DBH: variants seen among roughly 807,000 people sequenced by gnomAD.
DBH encodes dopamine beta-hydroxylase (dopamine beta-monooxygenase).
Under a neutral mutation model 64.0 loss-of-function variants are expected in DBH, and 49 were observed. The ratio of observed to expected loss-of-function variants is 0.77; its 90% CI spans 0.61 to 0.97. The LOEUF (loss-of-function observed/expected upper bound fraction) is 0.97, where lower values mean the gene tolerates loss of function less well. Among genes scored for constraint, DBH ranks in the 50% least tolerant of loss-of-function variants. The pLI is 0.00. For synonymous variants in DBH, 343 were observed against 347.1 expected, an observed-to-expected ratio of 0.99 and a Z score of 0.13; for missense variants, 828 against 826.6, an observed-to-expected ratio of 1.00 and a Z score of -0.02.
chr9:133,640,088 A>G, intron 2 of DBH, 96 bp downstream of exon 2: 2 of 1,509,650 alleles, frequency 1.3e-6, no homozygotes, highest in African/African-American at 1.4e-5. Flanking sequence ...GTCCCTGATA[A>G]GTCTGGGGCC....
chr9:133,637,161 A>G (rs908958984), intron 1 of DBH, among the ~76,000 whole-genome samples: 4 of 152,168 alleles, frequency 2.6e-5, no homozygotes, highest in African/African-American at 9.7e-5. Context: ...AGGCCTGCAC[A>G]CCCATGGGAT....
chr9:133,642,770 C>T (rs1832132323), intron 3 of DBH, among the ~76,000 whole-genome samples: 2 of 152,220 alleles, frequency 1.3e-5, no homozygotes, highest in Admixed American at 1.3e-4. Flanking sequence ...GCCAGGCCAC[C>T]TCCCCCTTCA....
At position 133,649,281 on chromosome 9, in the gene DBH, T is replaced by C. The variant is rs143846521; in HGVS notation, c.1191+1269T>C. On this transcript the variant is annotated intron_variant, in intron 6 of 11. Coordinates refer to ENST00000393056, the MANE Select transcript of DBH (RefSeq NM_000787.4). ...GATGGATGTTATTTCATAGTTTGTG[T>C]ATATGTTACAAACATTTCCTCCTGT... Among the ~76,000 whole-genome samples, 944 of 152,334 alleles carry C rather than the reference T, an allele frequency of 6.2e-3. 11 individuals are homozygous for C. Among genetic ancestry groups the C allele is most frequent in the African/African-American group, 0.022 (911 of 41,570 alleles).
At position 133,646,959 on chromosome 9, in the gene DBH, G is replaced by A. The variant is rs563620013; in HGVS notation, c.1025-887G>A. Among the ~76,000 whole-genome samples the A allele has an allele frequency of 1.3e-3, 201 of 152,328 alleles. 1 individual carries two copies. The highest frequency in any genetic ancestry group is 4.5e-3 in the African/African-American group (186 of 41,570). ...ACCATAATCAGGAGACACAGTCTCC[G>A]TGACTCGAAGAAGCACCATGTTATT... On this transcript the variant is annotated intron_variant, in intron 5 of 11. Coordinates refer to ENST00000393056, the MANE Select transcript of DBH (RefSeq NM_000787.4).
rs1259422489 is a variant in DBH at position 133,659,064 on chromosome 9, CG to C, written c.*618del. 6.6e-6 allele frequency: 1 copy of C among 152,206 alleles called. No homozygotes were observed. Among genetic ancestry groups the C allele is most frequent in the Non-Finnish European group, 1.5e-5 (1 of 68,052 alleles). 9.4% of individuals were successfully genotyped at this position (152,206 alleles called of 1,614,324 possible). A position where few individuals can be genotyped will look rare whatever the true frequency, so the allele number is the denominator to read the frequency against. ...CCTGACAACAACTATCACCAAAAGACGAGGCGGCAAAGATCCAGCGGGGCTT... is the reference window on the plus strand; with the variant it reads ...CCTGACAACAACTATCACCAAAAGACAGGCGGCAAAGATCCAGCGGGGCTT... On this transcript the variant is annotated 3_prime_UTR_variant, in exon 12 of 12. Coordinates refer to ENST00000393056, the MANE Select transcript of DBH (RefSeq NM_000787.4).
chr9:133,643,590 G>A lies in DBH; in HGVS notation c.921+1G>A. The A allele has an allele frequency of 6.2e-7, 1 of 1,613,146 alleles. No individual in the cohort carries two copies. Among genetic ancestry groups the A allele is most frequent in the Non-Finnish European group, 8.5e-7 (1 of 1,179,844 alleles). On this transcript the variant is annotated splice_donor_variant, in intron 4 of 11. Transcript: ENST00000393056. LOFTEE classifies it high-confidence loss of function. The surrounding 1 kb of genome is among the most constrained non-coding windows in gnomAD (Gnocchi z 5.3). ...GGCCGCCTGGGCCCTGGGTGCCAAG[G>A]TGCGTGCCCTGCGACCCCAGCATGG...
chr9:133,650,499 C>T (rs1404024988), intron 6 of DBH, among the ~76,000 whole-genome samples: 55 of 130,870 alleles, frequency 4.2e-4, no homozygotes, highest in African/African-American at 1.7e-3. Context: ...TCTTTTCTTT[C>T]CTTTCTTTCT....
Position 133,643,555 on chromosome 9 carries a change from G to A in DBH, c.887G>A (p.Arg296His), listed in dbSNP as rs370254562. 6.6e-5 allele frequency: 107 copies of A among 1,613,306 alleles called. No individual in the cohort carries two copies. Among genetic ancestry groups the A allele is most frequent in the Middle Eastern group, 6.6e-4 (4 of 6,060 alleles). Residue 296 changes from arginine to histidine, a missense_variant, in exon 4 of 12, where the codon CGC becomes CAC. By Grantham distance (29) the Arg-to-His change is conservative. Transcript: ENST00000393056. This position sits in a 1 kb window ranked among gnomAD's most constrained non-coding sequence, Gnocchi z 5.3. ...AAACCCGACCGCCTCAACTACTGCC[G>A]CCACGTGCTGGCCGCCTGGGCCCTG... is the stretch of plus-strand genomic sequence containing the variant. ...KMKPDRLNYC[R>H]HVLAAWALGA...
chr9:133,658,696 A>C lies in DBH; in HGVS notation c.*249A>C. 2.6e-6 allele frequency: 1 copy of C among 391,514 alleles called. No individual in the cohort carries two copies. Among genetic ancestry groups the C allele is most frequent in the Non-Finnish European group, 4.5e-6 (1 of 220,750 alleles). 24.3% of individuals were successfully genotyped at this position (391,514 alleles called of 1,614,324 possible). A position where few individuals can be genotyped will look rare whatever the true frequency, so the allele number is the denominator to read the frequency against. ...AGTGGACCACGACCTCGTCCATTTAAACCCGGCTGACTCAGTGCAGGGACA... is the reference window on the plus strand; with the variant it reads ...AGTGGACCACGACCTCGTCCATTTACACCCGGCTGACTCAGTGCAGGGACA... On this transcript the variant is annotated 3_prime_UTR_variant, in exon 12 of 12. Transcript: ENST00000393056.
intron 9 of DBH, chr9:133,656,316 C>A (rs1366821582): frequency 4.9e-6 from 3 of 609,684 alleles, no homozygotes; most frequent in Non-Finnish European, 8.8e-6. Flanking sequence ...ATACGAATTT[C>A]CTGGTTGACT....
intron 5 of DBH, among the ~76,000 whole-genome samples, chr9:133,644,544 G>A (rs532643223): frequency 6.6e-6 from 1 of 152,216 alleles, no homozygotes; most frequent in African/African-American, 2.4e-5. Context: ...CTTCGCCAGG[G>A]CCCAGCAGTG....
rs1298587947 is a variant in DBH at position 133,658,575 on chromosome 9, C to T, written c.*128C>T. The T allele has an allele frequency of 2.6e-6, 3 of 1,132,768 alleles. No individual in the cohort carries two copies. In the East Asian group the frequency reaches 8.2e-5, roughly 31 times the overall value. 70.2% of individuals were successfully genotyped at this position (1,132,768 alleles called of 1,614,324 possible). Reference sequence around the variant, plus strand: ...CCAGGATGAAGGGGCCAGACCACGCCCCTGCCTGAGACCACGGTCCAATCC... The same window carrying T: ...CCAGGATGAAGGGGCCAGACCACGCTCCTGCCTGAGACCACGGTCCAATCC... On this transcript the variant is annotated 3_prime_UTR_variant, in exon 12 of 12. Coordinates refer to ENST00000393056, the MANE Select transcript of DBH (RefSeq NM_000787.4).
chr9:133,642,353 G>C lies in DBH; in HGVS notation c.633G>C (p.Ala211=), dbSNP rs745489484. The C allele has an allele frequency of 6.2e-7, 1 of 1,614,142 alleles. No individual in the cohort carries two copies. The highest frequency in any genetic ancestry group is 1.3e-5 in the African/African-American group (1 of 75,028). Residue 211 remains alanine (A), a synonymous_variant, in exon 3 of 12, where the codon GCG becomes GCC. Transcript: ENST00000393056. ...CCGAACCGGAGTTGCCCTCAGACGC[G>C]TGCACCATGGAGGTCCAAGCTCCCA... ...NIPEPELPSD[A]CTMEVQAPNI...
chr9:133,650,077 C>T (rs151222817), intron 6 of DBH, among the ~76,000 whole-genome samples: 26 of 152,286 alleles, frequency 1.7e-4, no homozygotes, highest in Middle Eastern at 3.4e-3. Flanking sequence ...TCCACCTGGC[C>T]GACACCTGGC....
chr9:133,643,436 C>A lies in DBH; in HGVS notation c.768C>A (p.Gly256=). 6.2e-7 allele frequency: 1 copy of A among 1,613,960 alleles called. No homozygotes were observed. The highest frequency in any genetic ancestry group is 1.1e-5 in the South Asian group (1 of 91,064). Residue 256 remains glycine, a synonymous_variant, in exon 4 of 12, where the codon GGC becomes GGA. Coordinates refer to ENST00000393056, the MANE Select transcript of DBH (RefSeq NM_000787.4). This position sits in a 1 kb window ranked among gnomAD's most constrained non-coding sequence, Gnocchi z 5.3. Reference sequence around the variant, plus strand: ...AGTACGAGCCCATCGTCACCAAGGGCAATGAGGCCCTTGTCCACCACATGG... The same window carrying A: ...AGTACGAGCCCATCGTCACCAAGGGAAATGAGGCCCTTGTCCACCACATGG... ...IIKYEPIVTK[G]NEALVHHMEV...
At position 133,651,714 on chromosome 9, in the gene DBH, G is replaced by T; in HGVS notation, c.1272G>T (p.Leu424=). 6.2e-7 allele frequency: 1 copy of T among 1,613,974 alleles called. No homozygotes were observed. Among genetic ancestry groups the T allele is most frequent in the Non-Finnish European group, 8.5e-7 (1 of 1,180,028 alleles). The change falls in exon 7 of 12, where the codon CTG becomes CTT. Residue 424 remains leucine, a synonymous_variant. Coordinates refer to ENST00000393056, the MANE Select transcript of DBH (RefSeq NM_000787.4). ...CTGGGAGAAAGGTGGTCACAGTGCTGGTCCGGGACGGCCGGGAGTGGGAGA... is the reference window on the plus strand; with the variant it reads ...CTGGGAGAAAGGTGGTCACAGTGCTTGTCCGGGACGGCCGGGAGTGGGAGA... The part of the protein sequence containing the change: ...HLTGRKVVTV[L]VRDGREWEIV...
In DBH at chr9:133,655,536, A is replaced by T. The variant is rs534292521; in HGVS notation, c.1435-987A>T. The T allele has an allele frequency of 4.6e-5, 7 of 152,412 alleles. No homozygotes were observed. In the East Asian group the frequency reaches 1.3e-3, roughly 29 times the overall value. The allele number at this position is 152,412 out of a possible 1,614,324, so 9.4% of individuals were successfully genotyped here. A position where few individuals can be genotyped will look rare whatever the true frequency, so the allele number is the denominator to read the frequency against. On this transcript the variant is annotated intron_variant, in intron 9 of 11. Transcript: ENST00000393056. Reference sequence around the variant, plus strand: ...GTGCCAGGTTTCGTCTCTGGGCAGAACTGTCCCATGCTCTTTGTCTGCACG... The same window carrying T: ...GTGCCAGGTTTCGTCTCTGGGCAGATCTGTCCCATGCTCTTTGTCTGCACG...
intron 5 of DBH, among the ~76,000 whole-genome samples, chr9:133,645,116 G>A (rs943445064): frequency 6.6e-6 from 1 of 152,138 alleles, no homozygotes; most frequent in African/African-American, 2.4e-5. Flanking sequence ...CCTTGGGGAC[G>A]CTGGGTGGAT....
Position 133,643,933 on chromosome 9 carries a change from C to T in DBH, c.922-285C>T, listed in dbSNP as rs535987379. ...GTGTTGAGGCCTCCACAGGCTGAGA[C>T]GATGGGGGTCTCCCCAGCTCTTACA... On this transcript the variant is annotated intron_variant, in intron 4 of 11. Transcript: ENST00000393056. The surrounding 1 kb of genome is among the most constrained non-coding windows in gnomAD (Gnocchi z 5.3). Among the ~76,000 whole-genome samples the T allele has an allele frequency of 1.9e-4, 29 of 152,266 alleles. No homozygotes were observed. The East Asian group carries it at 5.2e-3, about 27-fold the overall frequency.
Sources: allele counts gnomAD v4.1 joint callset (sites outside exome capture counted in the v4.1 genomes callset), GRCh38; gene constraint gnomAD v4.1.1; non-coding constraint Gnocchi (gnomAD v3.1); transcripts MANE v1.5; gene names NCBI Gene and HGNC (gene_info 2026-07-23, HGNC 2026-07-21).